IL7R: variants seen among roughly 807,000 people sequenced by gnomAD.
IL7R encodes interleukin 7 receptor.
Under a neutral mutation model 47.0 loss-of-function variants are expected in IL7R, and 38 were observed. That is an observed-to-expected ratio of 0.81 (90% CI 0.62 to 1.06). The LOEUF (loss-of-function observed/expected upper bound fraction) is 1.06, where lower values mean the gene tolerates loss of function less well. Ranked by LOEUF, IL7R falls within the 50% of genes least tolerant of loss-of-function variation. IL7R has a pLI of 0.00. For synonymous variants in IL7R, 221 were observed against 199.8 expected (o/e 1.11, Z -0.89); for missense variants, 633 against 534.8 (o/e 1.18, Z -1.81).
intron 3 of IL7R, among the ~76,000 whole-genome samples, chr5:35,868,971 C>T (rs1760005781): frequency 6.6e-6 from 1 of 152,156 alleles, no homozygotes; most frequent in South Asian, 2.1e-4. Context: ...GTATGGTACA[C>T]ACACTGCTGA....
In IL7R at chr5:35,878,651, C is replaced by T. The variant is rs76614394; in HGVS notation, c.*2165C>T. 860 of 232,688 alleles carry T rather than the reference C, an allele frequency of 3.7e-3. 31 individuals are homozygous for T. In the East Asian group the frequency reaches 0.047, roughly 13 times the overall value. 14.4% of individuals were successfully genotyped at this position (232,688 alleles called of 1,614,324 possible). A position where few individuals can be genotyped will look rare whatever the true frequency, so the allele number is the denominator to read the frequency against. ...TCAAATAGGAGGCTCCACAAAATCT[C>T]ATGCCAGGTCTCTGATACCTTATTC... On this transcript the variant is annotated 3_prime_UTR_variant, in exon 8 of 8. Transcript: ENST00000303115.
intron 7 of IL7R, 108 bp downstream of exon 7, chr5:35,875,695 C>T: frequency 1.1e-6 from 1 of 896,964 alleles, no homozygotes; most frequent in Admixed American, 1.9e-5. Context: ...GTATTTGATT[C>T]ATCCTGTAAC....
chr5:35,875,858 G>A, intron 7 of IL7R, 125 bp from the exon 8 acceptor site: 1 of 1,077,580 alleles, frequency 9.3e-7, no homozygotes, highest in African/African-American at 1.6e-5. Flanking sequence ...AGTCCATTGA[G>A]GAACATGCTG....
At position 35,877,638 on chromosome 5, in the gene IL7R, C is replaced by G; in HGVS notation, c.*1152C>G. On this transcript the variant is annotated 3_prime_UTR_variant, in exon 8 of 8. Transcript: ENST00000303115. ...ACCTAAATTCATCCCTAAATTGTCC[C>G]AAGTTCTCCAGCAATAGAGGCTGCC... is the stretch of plus-strand genomic sequence containing the variant. 4.3e-6 allele frequency: 1 copy of G among 233,212 alleles called. No homozygotes were observed. 14.4% of individuals were successfully genotyped at this position (233,212 alleles called of 1,614,324 possible). A position where few individuals can be genotyped will look rare whatever the true frequency, so the allele number is the denominator to read the frequency against.
chr5:35,876,798 G>A lies in IL7R; in HGVS notation c.*312G>A. The A allele has an allele frequency of 2.4e-6, 1 of 414,066 alleles. No individual in the cohort carries two copies. The highest frequency in any genetic ancestry group is 4.4e-6 in the Non-Finnish European group (1 of 228,480). 25.6% of individuals were successfully genotyped at this position (414,066 alleles called of 1,614,324 possible). ...AAGGAAATGATTGAGGAGTGAGGAA[G>A]GCAGGAAGAGAGCATGAGAGGAAAG... is the stretch of plus-strand genomic sequence containing the variant. On this transcript the variant is annotated 3_prime_UTR_variant, in exon 8 of 8. Transcript: ENST00000303115.
intron 2 of IL7R, among the ~76,000 whole-genome samples, chr5:35,863,441 C>T (rs562287983): frequency 3.3e-5 from 5 of 152,216 alleles, no homozygotes; most frequent in African/African-American, 4.8e-5. Flanking sequence ...GAACCATTCT[C>T]GAAAGGACTC....
rs2149906367 is a variant in IL7R, at chr5:35,876,439, C to T, written c.1333C>T (p.Gln445Ter). ...QPILTSLGSN[Q>*]EEAYVTMSSF... ...CATTCTTACTTCCCTGGGATCAAATCAAGAAGAAGCATATGTCACCATGTC... is the reference window on the plus strand; with the variant it reads ...CATTCTTACTTCCCTGGGATCAAATTAAGAAGAAGCATATGTCACCATGTC... Residue 445 changes from glutamine to a stop codon, truncating the protein, a stop_gained, in exon 8 of 8, where the codon CAA (glutamine) becomes TAA (stop). Coordinates refer to ENST00000303115, the MANE Select transcript of IL7R (RefSeq NM_002185.5). LOFTEE classifies it high-confidence loss of function. The T allele has an allele frequency of 6.2e-7, 1 of 1,608,262 alleles. No homozygotes were observed. Among genetic ancestry groups the T allele is most frequent in the Non-Finnish European group, 8.5e-7 (1 of 1,179,962 alleles).
chr5:35,875,246 G>A (rs1016636001), intron 6 of IL7R, among the ~76,000 whole-genome samples: 1 of 152,144 alleles, frequency 6.6e-6, no homozygotes, highest in African/African-American at 2.4e-5. Flanking sequence ...CTTCCCTCTA[G>A]GGCTTTTTCC....
At chr5:35,868,968 A>T (rs1368132112) in intron 3 of IL7R, among the ~76,000 whole-genome samples, 1 of 152,148 alleles carries the variant, frequency 6.6e-6, no homozygotes, top group East Asian at 1.9e-4. Flanking sequence ...TACGTATGGT[A>T]CACACACTGC....
intron 2 of IL7R, among the ~76,000 whole-genome samples, chr5:35,863,013 C>T (rs895740798): frequency 6.6e-6 from 1 of 151,968 alleles, no homozygotes; most frequent in Non-Finnish European, 1.5e-5. Context: ...CTAGCTTACC[C>T]AAAAATTCGG....
At chr5:35,871,352 T>A in intron 4 of IL7R, 139 bp downstream of exon 4, 1 of 678,102 alleles carries the variant, frequency 1.5e-6, no homozygotes, top group Admixed American at 2.5e-5. Context: ...TCTCCCAATA[T>A]TGGCCCCATG....
intron 3 of IL7R, among the ~76,000 whole-genome samples, chr5:35,870,079 T>C (rs1304416575): frequency 6.6e-6 from 1 of 152,178 alleles, no homozygotes; most frequent in East Asian, 1.9e-4. Context: ...TGTGAACAAC[T>C]GCGCCTGAGA....
chr5:35,874,419 T>G, intron 5 of IL7R, 30 bp from the exon 6 acceptor site: 1 of 1,469,200 alleles, frequency 6.8e-7, no homozygotes, highest in Non-Finnish European at 9.5e-7. Context: ...GGCTACTGAA[T>G]GCTCACCACA....
At chr5:35,863,254 CTTCACCAATCTCTAGTTT>C (rs1759862945) in intron 2 of IL7R, among the ~76,000 whole-genome samples, 1 of 152,156 alleles carries the variant, frequency 6.6e-6, no homozygotes, top group African/African-American at 2.4e-5. Context: ...CTTAACATTT[CTTCACCAATCTCTAGTTT>C]TCATGACTGT....
At position 35,879,150 on chromosome 5, in the gene IL7R, G is replaced by A. The variant is rs1397195845; in HGVS notation, c.*2664G>A. The A allele has an allele frequency of 4.3e-6, 1 of 232,812 alleles. No homozygotes were observed. The highest frequency in any genetic ancestry group is 8.5e-6 in the Non-Finnish European group (1 of 117,854). The allele number at this position is 232,812 out of a possible 1,614,324, so 14.4% of individuals were successfully genotyped here. ...AAGTGTAAACTGCCAGTTCTATATA[G>A]CATGAAATGAAAAGACAGCTAATTT... On this transcript the variant is annotated 3_prime_UTR_variant, in exon 8 of 8. Transcript: ENST00000303115.
intron 4 of IL7R, among the ~76,000 whole-genome samples, chr5:35,872,720 G>T (rs1386192866): frequency 6.6e-6 from 1 of 152,060 alleles, no homozygotes; most frequent in Non-Finnish European, 1.5e-5. Context: ...TACATAAAAA[G>T]TGGAGGTTTA....
intron 6 of IL7R, among the ~76,000 whole-genome samples, chr5:35,875,177 G>T (rs192923075): frequency 6.6e-6 from 1 of 152,304 alleles, no homozygotes; most frequent in African/African-American, 2.4e-5. Context: ...AGTAAACAAC[G>T]GGGTTAAATT....
chr5:35,861,268 C>G (rs771779764), intron 2 of IL7R, among the ~76,000 whole-genome samples: 1 of 152,080 alleles, frequency 6.6e-6, no homozygotes, highest in Non-Finnish European at 1.5e-5. Flanking sequence ...GAATTTAAAT[C>G]CTGCGTCTCC....
rs1393411030 is a variant in IL7R, at chr5:35,873,510, C to T, written c.568C>T (p.Leu190Phe). The T allele has an allele frequency of 3.1e-6, 5 of 1,613,962 alleles. No individual in the cohort carries two copies. Among genetic ancestry groups the T allele is most frequent in the African/African-American group, 2.7e-5 (2 of 74,930 alleles). Reference protein sequence around the residue: ...HVNLSSTKLTLLQRKLQPAAM... With the variant: ...HVNLSSTKLTFLQRKLQPAAM... ...GAATTTATCCAGCACAAAGCTGACA[C>T]TCCTGCAGAGAAAGCTCCAACCGGC... The change falls in exon 5 of 8, where the codon CTC (leucine) becomes TTC (phenylalanine). Residue 190 changes from leucine (L) to phenylalanine (F), a missense_variant. Coordinates refer to ENST00000303115, the MANE Select transcript of IL7R (RefSeq NM_002185.5).
Sources: allele counts gnomAD v4.1 joint callset (sites outside exome capture counted in the v4.1 genomes callset), GRCh38; gene constraint gnomAD v4.1.1; transcripts MANE v1.5; gene names NCBI Gene and HGNC (gene_info 2026-07-23, HGNC 2026-07-21).